Variants in TRAPPC9 observed in about 807,000 individuals in gnomAD.
The protein encoded by TRAPPC9 is trafficking protein particle complex subunit 9.
TRAPPC9 carries 83 observed loss-of-function variants against 124.0 expected under a neutral mutation model. The ratio of observed to expected loss-of-function variants is 0.67; its 90% confidence interval spans 0.56 to 0.80. The LOEUF is 0.80. Among genes scored for constraint, TRAPPC9 ranks in the 30% least tolerant of loss-of-function variants. The pLI, the probability that TRAPPC9 is intolerant of heterozygous loss-of-function variation, is 0.00. For missense variants in TRAPPC9, 1,302 were observed against 1,508.3 expected, an observed-to-expected ratio of 0.86 and a Z score of 2.27; for synonymous variants, 638 against 617.5, an observed-to-expected ratio of 1.03 and a Z score of -0.49.
intron 17 of TRAPPC9, among the ~76,000 whole-genome samples, chr8:140,123,178 C>T (rs1294514520): frequency 6.6e-6 from 1 of 151,946 alleles, no homozygotes; most frequent in African/African-American, 2.4e-5. Flanking sequence ...CACCTTGTTG[C>T]TGGTCACTGT....
intron 14 of TRAPPC9, among the ~76,000 whole-genome samples, chr8:140,279,181 T>G (rs551421848): frequency 6.6e-6 from 1 of 152,320 alleles, no homozygotes; most frequent in South Asian, 2.1e-4. Flanking sequence ...CTACTTTGTT[T>G]TTATATTACA....
intron 20 of TRAPPC9, among the ~76,000 whole-genome samples, chr8:139,886,619 G>A (rs537990301): frequency 1.3e-5 from 2 of 152,328 alleles, no homozygotes; most frequent in South Asian, 4.1e-4. Context: ...CCACATTTAA[G>A]TTGCAATAAA....
chr8:140,299,556 C>T (rs961776837), intron 11 of TRAPPC9, among the ~76,000 whole-genome samples: 1 of 152,262 alleles, frequency 6.6e-6, no homozygotes, highest in South Asian at 2.1e-4. Flanking sequence ...CCCCGGCAGT[C>T]GCCAAGCAGC....
At chr8:139,838,461 CACCAGG>C (rs1308017976) in intron 21 of TRAPPC9, among the ~76,000 whole-genome samples, 1 of 152,222 alleles carries the variant, frequency 6.6e-6, no homozygotes, top group African/African-American at 2.4e-5. Flanking sequence ...TGTGGGGTGG[CACCAGG>C]ACTGAGCGGG....
rs115495917 is a variant in TRAPPC9 at position 140,324,757 on chromosome 8, G to C, written c.1496-13383C>G. Among the ~76,000 whole-genome samples the C allele has an allele frequency of 5.1e-3, 780 of 152,178 alleles. 7 individuals are homozygous for C. The highest frequency in any genetic ancestry group is 0.018 in the African/African-American group (737 of 41,516). Reference sequence around the variant, plus strand: ...TGCACTCCAGCCTGAGCAACAGAGGGACACCCTGTCTCAAAAATAAATAAG... The same window carrying C: ...TGCACTCCAGCCTGAGCAACAGAGGCACACCCTGTCTCAAAAATAAATAAG... On this transcript the variant is annotated intron_variant, in intron 9 of 22. Transcript: ENST00000438773.
chr8:140,263,489 CAT>C (rs1022340502), intron 15 of TRAPPC9, among the ~76,000 whole-genome samples: 38 of 152,308 alleles, frequency 2.5e-4, no homozygotes, highest in South Asian at 2.1e-3. Flanking sequence ...ATAATTTCAA[CAT>C]GTTTTAGAAA....
chr8:140,117,066 G>A (rs112980432), intron 17 of TRAPPC9, among the ~76,000 whole-genome samples: 17 of 152,190 alleles, frequency 1.1e-4, no homozygotes, highest in East Asian at 7.7e-4. Flanking sequence ...TTCTAACACC[G>A]CCCCATTCTG....
chr8:140,396,767 G>A (rs575582588), intron 7 of TRAPPC9, among the ~76,000 whole-genome samples: 1 of 152,128 alleles, frequency 6.6e-6, no homozygotes, highest in East Asian at 1.9e-4. Context: ...CTGACTTAGA[G>A]ACTGTCCCTG....
At chr8:139,805,938 C>T (rs865805682) in intron 21 of TRAPPC9, among the ~76,000 whole-genome samples, 1 of 152,336 alleles carries the variant, frequency 6.6e-6, no homozygotes, top group African/African-American at 2.4e-5. Flanking sequence ...CACAATGTAT[C>T]CATATAATCA....
Position 140,370,969 on chromosome 8 carries a change from C to T in TRAPPC9, c.1346G>A (p.Ser449Asn). The T allele has an allele frequency of 6.2e-7, 1 of 1,614,122 alleles. No homozygotes were observed. Among genetic ancestry groups the T allele is most frequent in the Non-Finnish European group, 8.5e-7 (1 of 1,180,054 alleles). The change falls in exon 8 of 23, where the codon AGC becomes AAC. Residue 449 changes from serine to asparagine, a missense_variant. This residue lies in a region of TRAPPC9 where 657 missense variants were observed against 811.2 expected (regional missense o/e 0.81). Transcript: ENST00000438773. ...CAGCAAGGGGACTCCAGTACCTCTG[C>T]TGAAATCTTTGGGATCCAGCGACAG... ...YSLSLDPKDF[S>N]RGTHRGWAAV...
At chr8:139,774,963 T>C (rs1821256837) in intron 21 of TRAPPC9, among the ~76,000 whole-genome samples, 1 of 152,208 alleles carries the variant, frequency 6.6e-6, no homozygotes, top group Non-Finnish European at 1.5e-5. Context: ...AACGCCCGGA[T>C]GGTATCATGT....
intron 17 of TRAPPC9, among the ~76,000 whole-genome samples, chr8:140,165,443 GCA>G (rs1563811048): frequency 6.6e-6 from 1 of 151,600 alleles, no homozygotes; most frequent in Non-Finnish European, 1.5e-5. Context: ...GGAGGTTGAG[GCA>G]GGAGAATCAC....
chr8:139,966,728 G>A (rs1047377055), intron 19 of TRAPPC9, among the ~76,000 whole-genome samples: 1 of 152,094 alleles, frequency 6.6e-6, no homozygotes, highest in Non-Finnish European at 1.5e-5. Context: ...TCTAATAAGT[G>A]CTCAATAAAC....
intron 21 of TRAPPC9, among the ~76,000 whole-genome samples, chr8:139,740,369 G>A (rs868126815): frequency 6.6e-6 from 1 of 152,238 alleles, no homozygotes; most frequent in Non-Finnish European, 1.5e-5. Context: ...GCCAGGGAGG[G>A]GCTTGGCAGG....
intron 17 of TRAPPC9, among the ~76,000 whole-genome samples, chr8:140,148,620 T>G (rs2061495904): frequency 6.6e-6 from 1 of 152,164 alleles, no homozygotes. Flanking sequence ...AGTGAAAGCT[T>G]CATGTCCCCA....
At chr8:140,106,701 CCT>C (rs2060673240) in intron 17 of TRAPPC9, among the ~76,000 whole-genome samples, 1 of 152,170 alleles carries the variant, frequency 6.6e-6, no homozygotes, top group Admixed American at 6.5e-5. Context: ...GGCCATTTCA[CCT>C]CTGAGACTCA....
intron 17 of TRAPPC9, among the ~76,000 whole-genome samples, chr8:140,088,805 T>C (rs974586485): frequency 6.6e-6 from 1 of 152,240 alleles, no homozygotes; most frequent in African/African-American, 2.4e-5. Flanking sequence ...ACTTATTTTT[T>C]TCTCTGATAT....
intron 2 of TRAPPC9, among the ~76,000 whole-genome samples, chr8:140,441,178 C>T (rs2071004960): frequency 6.6e-6 from 1 of 151,594 alleles, no homozygotes; most frequent in Admixed American, 6.6e-5. Flanking sequence ...ATAGGGTCTC[C>T]TTATGTTGCT....
chr8:140,228,377 C>T (rs565391398), intron 16 of TRAPPC9, among the ~76,000 whole-genome samples: 1 of 152,294 alleles, frequency 6.6e-6, no homozygotes, highest in South Asian at 2.1e-4. Flanking sequence ...CTCAAGAAAA[C>T]CAAAGCAGTA....
Sources: gnomAD v4.1 joint callset for allele counts (sites outside exome capture counted in the v4.1 genomes callset) on GRCh38, gnomAD v4.1.1 for gene constraint, gnomAD v4.1.1 regional missense constraint, MANE v1.5 for transcripts, NCBI Gene and HGNC (gene_info 2026-07-23, HGNC 2026-07-21) for gene names.